Variants in PRKG1 observed in about 807,000 individuals in gnomAD.
The protein encoded by PRKG1 is protein kinase cGMP-dependent 1.
A neutral mutation model predicts 88.1 loss-of-function variants in PRKG1; 35 were observed. The observed-to-expected ratio is 0.40, with a 90% confidence interval of 0.30 to 0.53. The LOEUF is 0.53. PRKG1 is among the 20% of genes least tolerant of loss of function. PRKG1 has a pLI of 0.59. For missense variants in PRKG1, 540 were observed against 839.8 expected, an observed-to-expected ratio of 0.64 and a Z score of 4.41; for synonymous variants, 303 against 292.5, an observed-to-expected ratio of 1.04 and a Z score of -0.37.
At chr10:51,245,768 A>G (rs1253030285) in intron 2 of PRKG1, 1 of 152,094 alleles carries the variant, frequency 6.6e-6, no homozygotes. Context: ...GAGACTGAAG[A>G]CCTTAACTGT....
At chr10:51,809,823 A>AC (rs1236173479) in intron 4 of PRKG1, among the ~76,000 whole-genome samples, 1 of 151,980 alleles carries the variant, frequency 6.6e-6, no homozygotes, top group Admixed American at 6.6e-5. Flanking sequence ...GAGAAAGCCT[A>AC]CCTAGTTCTT....
chr10:51,959,460 A>G (rs1473681776), intron 5 of PRKG1, among the ~76,000 whole-genome samples: 1 of 152,162 alleles, frequency 6.6e-6, no homozygotes, highest in Middle Eastern at 3.2e-3. Flanking sequence ...ACGTTGAGGT[A>G]GCATACAAGA....
At position 51,896,752 on chromosome 10, in the gene PRKG1, G is replaced by A. The variant is rs149306891; in HGVS notation, c.699-10755G>A. ...TAGTAGCAGAGCCTAAACTTAACCCGATTTCTTTTGATTCTAAAACTCATA... is the reference window on the plus strand; with the variant it reads ...TAGTAGCAGAGCCTAAACTTAACCCAATTTCTTTTGATTCTAAAACTCATA... On this transcript the variant is annotated intron_variant, in intron 4 of 17. Coordinates refer to ENST00000373980, the MANE Select transcript of PRKG1 (RefSeq NM_006258.4). Among the ~76,000 whole-genome samples the A allele has an allele frequency of 7.2e-3, 1,089 of 150,430 alleles. 14 individuals carry two copies. The highest frequency in any genetic ancestry group is 0.023 in the African/African-American group (933 of 40,930).
intron 3 of PRKG1, chr10:51,699,102 A>G (rs1181861828): frequency 1.9e-6 from 3 of 1,614,244 alleles, no homozygotes; most frequent in Non-Finnish European, 2.5e-6. Context: ...TTTTGGACAC[A>G]GAGCTTCATC....
At chr10:51,561,320 C>G (rs905403036) in intron 3 of PRKG1, among the ~76,000 whole-genome samples, 8 of 151,778 alleles carry the variant, frequency 5.3e-5, no homozygotes, top group Non-Finnish European at 1.2e-4. Context: ...ACAAGAGAGA[C>G]AGAGTGAGAC....
chr10:52,111,564 A>G (rs1191010720), intron 7 of PRKG1, among the ~76,000 whole-genome samples: 1 of 152,186 alleles, frequency 6.6e-6, no homozygotes, highest in Non-Finnish European at 1.5e-5. Context: ...GGGTTGTTAG[A>G]TTATGACGTA....
intron 1 of PRKG1, among the ~76,000 whole-genome samples, chr10:51,034,753 AT>A (rs973364021): frequency 1.4e-5 from 2 of 146,962 alleles, no homozygotes; most frequent in African/African-American, 5.0e-5. Flanking sequence ...TCAGAAAAAA[AT>A]ATATTGAAAC....
intron 5 of PRKG1, among the ~76,000 whole-genome samples, chr10:52,038,361 G>A (rs892135785): frequency 4.6e-5 from 7 of 151,772 alleles, no homozygotes; most frequent in Non-Finnish European, 1.0e-4. Context: ...TAAGAGGTCG[G>A]GGCATGGAAA....
At chr10:52,006,463 A>G (rs140265819) in intron 5 of PRKG1, among the ~76,000 whole-genome samples, 52 of 152,012 alleles carry the variant, frequency 3.4e-4, no homozygotes, top group African/African-American at 1.2e-3. Flanking sequence ...GAGCTGAAAA[A>G]TACACAAGAA....
chr10:52,213,021 GT>G lies in PRKG1; in HGVS notation c.1077-38546del, dbSNP rs113545535. On this transcript the variant is annotated intron_variant, in intron 9 of 17. Transcript: ENST00000373980. ...CCTGATAACCACTGCGTACATGAAT[GT>G]TTACACACTAAGAAATTGACTTTTG... is the stretch of plus-strand genomic sequence containing the variant. Among the ~76,000 whole-genome samples the G allele has an allele frequency of 1.7e-3, 265 of 152,210 alleles. 1 individual carries two copies. The highest frequency in any genetic ancestry group is 5.9e-3 in the African/African-American group (244 of 41,524).
At chr10:51,102,868 G>A (rs375332101) in intron 1 of PRKG1, among the ~76,000 whole-genome samples, 1 of 152,094 alleles carries the variant, frequency 6.6e-6, no homozygotes, top group East Asian at 1.9e-4. Flanking sequence ...ACAGAAAATT[G>A]CTACTTGGAG....
intron 5 of PRKG1, among the ~76,000 whole-genome samples, chr10:51,976,400 A>G (rs747240618): frequency 6.6e-6 from 1 of 152,028 alleles, no homozygotes; most frequent in Non-Finnish European, 1.5e-5. Context: ...ATATCTACAC[A>G]ATGGAATATT....
rs865939715 is a variant in PRKG1 at position 51,947,196 on chromosome 10, G to A, written c.762+39626G>A. On this transcript the variant is annotated intron_variant, in intron 5 of 17. Coordinates refer to ENST00000373980, the MANE Select transcript of PRKG1 (RefSeq NM_006258.4). ...GCTCCCCTCCCCCAGCCTCGCTGCC[G>A]CCTTGCAGTTTGATCTCAGACTGCT... is the stretch of plus-strand genomic sequence containing the variant. Among the ~76,000 whole-genome samples, 144 of 152,206 alleles carry A rather than the reference G, an allele frequency of 9.5e-4. 2 individuals carry two copies. The highest frequency in any genetic ancestry group is 3.9e-3 in the East Asian group (20 of 5,134).
intron 5 of PRKG1, among the ~76,000 whole-genome samples, chr10:51,962,917 T>C (rs963056286): frequency 3.9e-5 from 6 of 152,226 alleles, no homozygotes; most frequent in Admixed American, 3.3e-4. Context: ...TGAATTATTA[T>C]GGAGTAGGTT....
intron 3 of PRKG1, among the ~76,000 whole-genome samples, chr10:51,724,022 G>A (rs536854593): frequency 5.9e-5 from 9 of 152,200 alleles, no homozygotes; most frequent in South Asian, 2.1e-4. Context: ...GCATTATTAC[G>A]GGTGTGTCGA....
At chr10:51,836,327 C>G (rs753570230) in intron 4 of PRKG1, among the ~76,000 whole-genome samples, 8 of 152,098 alleles carry the variant, frequency 5.3e-5, no homozygotes, top group Non-Finnish European at 1.2e-4. Flanking sequence ...TAATAGATAT[C>G]CAGTGTATGA....
intron 5 of PRKG1, among the ~76,000 whole-genome samples, chr10:51,962,870 A>G (rs2133074619): frequency 6.6e-6 from 1 of 152,326 alleles, no homozygotes; most frequent in Admixed American, 6.5e-5. Context: ...GTTTGAGGCT[A>G]CAAGGAATTT....
chr10:51,942,485 G>T lies in PRKG1; in HGVS notation c.762+34915G>T, dbSNP rs987869408. On this transcript the variant is annotated intron_variant, in intron 5 of 17. Coordinates refer to ENST00000373980, the MANE Select transcript of PRKG1 (RefSeq NM_006258.4). ...GATCCCATTTGTCAATTTTGGCTTT[G>T]GTTGCCATTGCTTTTGGTGTTTTAG... Among the ~76,000 whole-genome samples, 182 of 150,400 alleles carry T rather than the reference G, an allele frequency of 1.2e-3. 4 individuals carry two copies. The East Asian group carries it at 0.028, about 24-fold the overall frequency.
At chr10:51,569,498 G>T (rs1322282886) in intron 3 of PRKG1, among the ~76,000 whole-genome samples, 2 of 151,990 alleles carry the variant, frequency 1.3e-5, no homozygotes, top group African/African-American at 4.8e-5. Flanking sequence ...AATAATATCT[G>T]CCTTTTGTAA....
Sources: allele counts gnomAD v4.1 joint callset (sites outside exome capture counted in the v4.1 genomes callset), GRCh38; gene constraint gnomAD v4.1.1; transcripts MANE v1.5; gene names NCBI Gene and HGNC (gene_info 2026-07-23, HGNC 2026-07-21).